ARHGEF7: variants seen among roughly 807,000 people sequenced by gnomAD.
ARHGEF7 encodes the protein Rho guanine nucleotide exchange factor 7.
Under a neutral mutation model 109.8 loss-of-function variants are expected in ARHGEF7, and 33 were observed. The observed-to-expected ratio is 0.30, with a 90% CI of 0.23 to 0.40. The LOEUF (loss-of-function observed/expected upper bound fraction) is 0.40. Among genes scored for constraint, ARHGEF7 ranks in the 10% least tolerant of loss-of-function variants. The pLI is 1.00. For synonymous variants in ARHGEF7, 458 were observed against 424.6 expected (o/e 1.08, Z -0.97); for missense variants, 938 against 1,098.5 (o/e 0.85, Z 2.07).
intron 5 of ARHGEF7, among the ~76,000 whole-genome samples, chr13:111,230,931 C>A (rs1445994460): frequency 6.6e-6 from 1 of 152,058 alleles, no homozygotes; most frequent in Non-Finnish European, 1.5e-5. Context: ...CTTTTGAAAA[C>A]TTTTTTCTTA....
intron 2 of ARHGEF7, among the ~76,000 whole-genome samples, chr13:111,186,147 C>G (rs997225527): frequency 3.3e-5 from 5 of 152,098 alleles, no homozygotes; most frequent in Admixed American, 3.3e-4. Flanking sequence ...TTCCCTGCCT[C>G]GTGTGGAGGT....
At chr13:111,259,216 G>T (rs908628060) in intron 8 of ARHGEF7, among the ~76,000 whole-genome samples, 1 of 152,168 alleles carries the variant, frequency 6.6e-6, no homozygotes, top group Admixed American at 6.5e-5. Context: ...CGATTGTAGT[G>T]CCCCAGGGTC....
intron 2 of ARHGEF7, among the ~76,000 whole-genome samples, chr13:111,197,066 A>G (rs1372762838): frequency 2.0e-5 from 3 of 152,190 alleles, no homozygotes; most frequent in Non-Finnish European, 4.4e-5. Flanking sequence ...TCTGAAAGAC[A>G]AAACCACCTG....
chr13:111,198,075 G>A (rs1429390629), intron 2 of ARHGEF7, among the ~76,000 whole-genome samples: 2 of 152,058 alleles, frequency 1.3e-5, no homozygotes, highest in Non-Finnish European at 2.9e-5. Flanking sequence ...GCTCAGCCTG[G>A]AAGTACAGGA....
intron 2 of ARHGEF7, among the ~76,000 whole-genome samples, chr13:111,198,497 G>A (rs554090053): frequency 1.5e-4 from 23 of 152,134 alleles, no homozygotes; most frequent in Non-Finnish European, 2.2e-4. Flanking sequence ...TCTTCCTTCC[G>A]GTGGGTTTGT....
rs2090752124 is a variant in ARHGEF7 at position 111,258,771 on chromosome 13, T to C, written c.951-8777T>C. On this transcript the variant is annotated intron_variant, in intron 8 of 21. Transcript: ENST00000646102. This position sits in a 1 kb window ranked among gnomAD's most constrained non-coding sequence, Gnocchi z 4.4. The stretch of plus-strand genomic sequence containing the variant: ...CAGTGAGGTGGAACATCAAGTGGGC[T>C]CTTGGGAGTCCCCAGTTTCAGGCCT... Among the ~76,000 whole-genome samples, 1 of 152,168 alleles carries C rather than the reference T, an allele frequency of 6.6e-6. No homozygotes were observed.
At chr13:111,189,704 G>T (rs1566758373) in intron 2 of ARHGEF7, among the ~76,000 whole-genome samples, 2 of 151,798 alleles carry the variant, frequency 1.3e-5, no homozygotes. Flanking sequence ...CTGCTGATTG[G>T]TCCATTTTAC....
intron 1 of ARHGEF7, among the ~76,000 whole-genome samples, chr13:111,127,530 C>G (rs1442030221): frequency 6.6e-6 from 1 of 151,242 alleles, no homozygotes; most frequent in East Asian, 1.9e-4. Context: ...GCCTCTGGTC[C>G]CAGCTACTTA....
chr13:111,233,111 G>C, intron 5 of ARHGEF7, 94 bp from the exon 6 acceptor site: 1 of 1,041,248 alleles, frequency 9.6e-7, no homozygotes, highest in Non-Finnish European at 1.5e-6. Context: ...ATTCAGTGAG[G>C]CTGCTGGATG....
intron 5 of ARHGEF7, among the ~76,000 whole-genome samples, chr13:111,229,903 T>C (rs775795286): frequency 6.6e-6 from 1 of 152,120 alleles, no homozygotes; most frequent in Non-Finnish European, 1.5e-5. Context: ...ACTTCCTTGC[T>C]ATTTCTCTAG....
intron 8 of ARHGEF7, among the ~76,000 whole-genome samples, chr13:111,263,377 G>T (rs75290007): frequency 1.3e-5 from 2 of 152,322 alleles, no homozygotes; most frequent in African/African-American, 2.4e-5. Flanking sequence ...TGAATTGTTC[G>T]TTTATAAGCT....
intron 2 of ARHGEF7, among the ~76,000 whole-genome samples, chr13:111,156,248 T>C (rs1405149166): frequency 6.6e-6 from 1 of 152,210 alleles, no homozygotes; most frequent in Non-Finnish European, 1.5e-5. Flanking sequence ...GCATCTACAA[T>C]AGTGCTTGGC....
At chr13:111,205,433 G>A (rs1390942246) in intron 3 of ARHGEF7, 60 bp downstream of exon 3, 11 of 1,234,392 alleles carry the variant, frequency 8.9e-6, no homozygotes, top group Non-Finnish European at 1.2e-5. Flanking sequence ...GACACCTTTG[G>A]TTTTCTTGTT....
At position 111,167,910 on chromosome 13, in the gene ARHGEF7, G is replaced by A. The variant is rs1216718848; in HGVS notation, c.252+13919G>A. On this transcript the variant is annotated intron_variant, in intron 2 of 21. Transcript: ENST00000646102. ...TGACAGCGACATAAGGCGCTTTCCG[G>A]AGGACAGAACACCAGAGCCACCCCT... Among the ~76,000 whole-genome samples, 3 of 152,328 alleles carry A rather than the reference G, an allele frequency of 2.0e-5. No homozygotes were observed. The East Asian group carries it at 5.8e-4, about 29-fold the overall frequency.
At chr13:111,162,269 G>A (rs1364276396) in intron 2 of ARHGEF7, among the ~76,000 whole-genome samples, 1 of 152,192 alleles carries the variant, frequency 6.6e-6, no homozygotes, top group African/African-American at 2.4e-5. Flanking sequence ...ATCTTCCACA[G>A]TGCTTTATAT....
At chr13:111,154,055 T>A (rs2076093988) in intron 2 of ARHGEF7, 64 bp downstream of exon 2, 2 of 1,472,238 alleles carry the variant, frequency 1.4e-6, no homozygotes, top group African/African-American at 1.5e-5. Context: ...CCGGGGTGGG[T>A]GCTTCGCTCC....
intron 2 of ARHGEF7, among the ~76,000 whole-genome samples, chr13:111,161,473 T>G (rs755591464): frequency 1.3e-5 from 2 of 152,230 alleles, no homozygotes; most frequent in African/African-American, 2.4e-5. Context: ...CCTTTGTGTC[T>G]GTCGTGAGGA....
chr13:111,241,262 G>A (rs575249523), intron 6 of ARHGEF7: 2 of 1,536,176 alleles, frequency 1.3e-6, no homozygotes, highest in Admixed American at 2.0e-5. Flanking sequence ...TGGAGCTGTG[G>A]CGTCCAGGCT....
rs148263117 is a variant in ARHGEF7 at position 111,132,937 on chromosome 13, TAC to T, written c.165+17254_165+17255del. Among the ~76,000 whole-genome samples the T allele has an allele frequency of 2.9e-3, 439 of 152,072 alleles. 1 individual carries two copies. The highest frequency in any genetic ancestry group is 9.8e-3 in the African/African-American group (407 of 41,470). ...ACACACATACATGTACACACATAAG[TAC>T]ACACACATCTATGCATATACACACA... On this transcript the variant is annotated intron_variant, in intron 1 of 21. Coordinates refer to ENST00000646102, the MANE Select transcript of ARHGEF7 (RefSeq NM_001354046.2).
Sources: gnomAD v4.1 joint callset for allele counts (sites outside exome capture counted in the v4.1 genomes callset) on GRCh38, gnomAD v4.1.1 for gene constraint, Gnocchi (gnomAD v3.1) non-coding constraint, MANE v1.5 for transcripts, NCBI Gene and HGNC (gene_info 2026-07-23, HGNC 2026-07-21) for gene names.